The following MTUS2 variants were observed in gnomAD, a reference collection of about 807,000 sequenced individuals.
MTUS2 encodes the protein microtubule associated scaffold protein 2.
A neutral mutation model predicts 114.1 loss-of-function variants in MTUS2; 40 were observed. The observed-to-expected ratio is 0.35, with a 90% CI of 0.27 to 0.46. The LOEUF is 0.46. Ranked by LOEUF, MTUS2 falls within the 20% of genes least tolerant of loss-of-function variation. The pLI is 1.00. For synonymous variants in MTUS2, 688 were observed against 672.0 expected, an observed-to-expected ratio of 1.02 and a Z score of -0.37; for missense variants, 1,679 against 1,705.4, an observed-to-expected ratio of 0.98 and a Z score of 0.27.
intron 4 of MTUS2, among the ~76,000 whole-genome samples, chr13:29,050,396 A>G (rs936885572): frequency 1.6e-4 from 24 of 152,032 alleles, no homozygotes; most frequent in African/African-American, 4.6e-4. Context: ...AGATATTCCA[A>G]TCCACACCTG....
chr13:29,245,905 G>T (rs1304797091), intron 5 of MTUS2, among the ~76,000 whole-genome samples: 3 of 152,018 alleles, frequency 2.0e-5, no homozygotes, highest in Admixed American at 2.0e-4. Context: ...CACCATGTTA[G>T]CCAGGATGGT....
rs998008452 is a variant in MTUS2 at position 29,360,304 on chromosome 13, C to T, written c.3117+831C>T. 6.6e-5 allele frequency among the ~76,000 whole-genome samples: 10 copies of T among 152,258 alleles called. No individual in the cohort carries two copies. In the East Asian group the frequency reaches 1.2e-3, roughly 18 times the overall value. On this transcript the variant is annotated intron_variant, in intron 8 of 15. Transcript: ENST00000612955. ...CTCTCCAAATAAGAAAGTGAATTAA[C>T]GAAATATCTGGTCAATTTGAAAAGA... is the stretch of plus-strand genomic sequence containing the variant.
intron 2 of MTUS2, among the ~76,000 whole-genome samples, chr13:29,001,663 A>C (rs1356121408): frequency 6.6e-6 from 1 of 152,172 alleles, no homozygotes; most frequent in South Asian, 2.1e-4. Context: ...GGCCCCCCCA[A>C]AATGTCCATA....
At chr13:29,238,457 G>A (rs117873387) in intron 5 of MTUS2, among the ~76,000 whole-genome samples, 152 of 152,286 alleles carry the variant, frequency 1.0e-3, no homozygotes, top group Non-Finnish European at 2.0e-3. Flanking sequence ...TTCAGTCTGC[G>A]GCCAAAGGTC....
At chr13:29,389,827 GTGTATATATACATACATATGTGTA>G (rs1566174378) in intron 8 of MTUS2, among the ~76,000 whole-genome samples, 105 of 9,342 alleles carry the variant, frequency 0.011, 30 homozygotes, top group South Asian at 0.035. Flanking sequence ...ACATACATAT[GTGTATATATACATACATATGTGTA>G]TATATACATA....
intron 2 of MTUS2, among the ~76,000 whole-genome samples, chr13:28,983,577 G>A (rs1232735566): frequency 6.6e-6 from 1 of 152,072 alleles, no homozygotes. Context: ...TTTTTTTGTT[G>A]TGGCTACTAG....
chr13:28,922,265 CAATT>C (rs1881084132), intron 2 of MTUS2, among the ~76,000 whole-genome samples: 1 of 152,128 alleles, frequency 6.6e-6, no homozygotes, highest in Admixed American at 6.5e-5. Context: ...AACTGTGAGT[CAATT>C]AAGCCTTTTT....
chr13:29,054,495 G>A (rs1724756158), intron 4 of MTUS2, among the ~76,000 whole-genome samples: 2 of 152,082 alleles, frequency 1.3e-5, no homozygotes, highest in Admixed American at 6.6e-5. Flanking sequence ...ATAGAAATTA[G>A]AATAGCAGTT....
At chr13:29,210,640 C>A (rs1161190456) in intron 5 of MTUS2, among the ~76,000 whole-genome samples, 2 of 152,154 alleles carry the variant, frequency 1.3e-5, no homozygotes, top group African/African-American at 4.8e-5. Context: ...TGGTGTTCTC[C>A]CTTCCCCTAG....
At chr13:28,986,674 G>A (rs151211768) in intron 2 of MTUS2, among the ~76,000 whole-genome samples, 1 of 152,278 alleles carries the variant, frequency 6.6e-6, no homozygotes, top group Non-Finnish European at 1.5e-5. Context: ...GGCTTGAGCT[G>A]GAACAGCTTG....
intron 5 of MTUS2, among the ~76,000 whole-genome samples, chr13:29,163,020 A>G (rs1893166154): frequency 6.6e-6 from 1 of 152,082 alleles, no homozygotes; most frequent in South Asian, 2.1e-4. Flanking sequence ...GTGGGCATGC[A>G]TATATGTATG....
At chr13:29,437,647 A>T (rs1037872566) in intron 8 of MTUS2, among the ~76,000 whole-genome samples, 2 of 152,194 alleles carry the variant, frequency 1.3e-5, no homozygotes, top group African/African-American at 4.8e-5. Flanking sequence ...GAAGGTGCTT[A>T]CAAAAACAGA....
Position 28,914,746 on chromosome 13 carries a change from C to G in MTUS2, c.-243+74896C>G, listed in dbSNP as rs149464120. ...CTCCTTGTAGGTCTCTAAGAACTTG[C>G]TTTATGAATCTGGGTGCTCCTGTAT... On this transcript the variant is annotated intron_variant, in intron 2 of 15. Transcript: ENST00000612955. Among the ~76,000 whole-genome samples the G allele has an allele frequency of 7.1e-3, 1,081 of 152,126 alleles. 4 individuals are homozygous for G. Among genetic ancestry groups the G allele is most frequent in the Non-Finnish European group, 0.013 (868 of 67,916 alleles).
At chr13:28,906,897 G>A (rs1261340325) in intron 2 of MTUS2, among the ~76,000 whole-genome samples, 1 of 151,384 alleles carries the variant, frequency 6.6e-6, no homozygotes, top group Non-Finnish European at 1.5e-5. Context: ...AGGAAATACA[G>A]AGAACGCCAC....
chr13:29,331,198 A>G (rs917210476), intron 7 of MTUS2, among the ~76,000 whole-genome samples: 2 of 152,144 alleles, frequency 1.3e-5, no homozygotes, highest in African/African-American at 4.8e-5. Flanking sequence ...CTTTGTAGCA[A>G]TTGTGAATGG....
Position 29,026,191 on chromosome 13 carries a change from A to T in MTUS2, c.1493A>T (p.Glu498Val). Residue 498 changes from glutamate (E) to valine (V), a missense_variant, in exon 3 of 16, where the codon GAA (glutamate) becomes GTA (valine). Physicochemically the swap from Glu to Val is moderately radical, Grantham distance 121. Transcript: ENST00000612955. Reference sequence around the variant, plus strand: ...CAAAGTGGCCGCTCAGAAGCACGGGAAAGCAAAGAGGTCACCACATCTGTT... The same window carrying T: ...CAAAGTGGCCGCTCAGAAGCACGGGTAAGCAAAGAGGTCACCACATCTGTT... ...DPQSGRSEAR[E>V]SKEVTTSVAE... is the part of the protein sequence containing the mutation. 1.2e-6 allele frequency: 2 copies of T among 1,613,970 alleles called. No individual in the cohort carries two copies. The highest frequency in any genetic ancestry group is 1.7e-6 in the Non-Finnish European group (2 of 1,179,894).
chr13:29,053,985 G>T (rs895504230), intron 4 of MTUS2, among the ~76,000 whole-genome samples: 3 of 152,170 alleles, frequency 2.0e-5, no homozygotes, highest in African/African-American at 7.2e-5. Context: ...ATATGAAACT[G>T]CCAAAATATT....
At chr13:29,203,513 G>A (rs1174127783) in intron 5 of MTUS2, among the ~76,000 whole-genome samples, 1 of 149,754 alleles carries the variant, frequency 6.7e-6, no homozygotes, top group East Asian at 2.0e-4. Context: ...CTTTCCAGGG[G>A]AGTGAATGGT....
At chr13:29,413,516 C>A (rs1017320512) in intron 8 of MTUS2, among the ~76,000 whole-genome samples, 1 of 117,360 alleles carries the variant, frequency 8.5e-6, no homozygotes, top group Non-Finnish European at 1.7e-5. Flanking sequence ...AGTGAACAGG[C>A]AACCTACAAC....
Sources: allele counts gnomAD v4.1 joint callset (sites outside exome capture counted in the v4.1 genomes callset), GRCh38; gene constraint gnomAD v4.1.1; transcripts MANE v1.5; gene names NCBI Gene and HGNC (gene_info 2026-07-23, HGNC 2026-07-21).